Variants in CYP19A1 observed in about 807,000 individuals in gnomAD.
CYP19A1 encodes the protein cytochrome P450 family 19 subfamily A member 1.
A neutral mutation model predicts 44.4 loss-of-function variants in CYP19A1; 32 were observed. The ratio of observed to expected loss-of-function variants is 0.72; its 90% CI spans 0.54 to 0.97. CYP19A1 has a LOEUF of 0.97. CYP19A1 is among the 50% of genes least tolerant of loss of function. The probability of loss-of-function intolerance (pLI) is 0.00; values close to 1 mark genes in which losing one functional copy is unlikely to be tolerated. For missense variants in CYP19A1, 598 were observed against 637.8 expected (o/e 0.94, Z 0.67); for synonymous variants, 212 against 215.6 (o/e 0.98, Z 0.14).
intron 1 of CYP19A1, among the ~76,000 whole-genome samples, chr15:51,298,116 G>T (rs1282923755): frequency 1.3e-5 from 2 of 152,136 alleles, no homozygotes; most frequent in Non-Finnish European, 2.9e-5. Context: ...CAGCTGAAGG[G>T]GAGTACTGCA....
intron 1 of CYP19A1, among the ~76,000 whole-genome samples, chr15:51,247,686 G>A (rs759022248): frequency 1.4e-4 from 22 of 152,054 alleles, no homozygotes; most frequent in Non-Finnish European, 2.5e-4. Context: ...TGTTGGTCAG[G>A]CTAGTCTGGA....
intron 5 of CYP19A1, chr15:51,221,991 T>C (rs931592825): frequency 4.1e-5 from 17 of 419,452 alleles, no homozygotes; most frequent in East Asian, 4.2e-5. Context: ...GTATATATCA[T>C]GCCCAAAAGA....
rs2141061763 is a variant in CYP19A1 at position 51,222,365 on chromosome 15, C to T, written c.612G>A (p.Leu204=). ...TTTCAGTACCGTCCAAAGGGATCCT[C>T]AAGAAGAGCGTGTTAGAGGTGTCCA... ...VMLDTSNTLF[L]RIPLDESAIV... The change falls in exon 5 of 10, where the codon TTG becomes TTA. Residue 204 remains leucine (L), a synonymous_variant. Transcript: ENST00000396402. 1 of 1,614,074 alleles carries T rather than the reference C, an allele frequency of 6.2e-7. No individual in the cohort carries two copies. The highest frequency in any genetic ancestry group is 8.5e-7 in the Non-Finnish European group (1 of 1,180,016).
Position 51,304,506 on chromosome 15 carries a change from C to A in CYP19A1, c.-39+33989G>T, listed in dbSNP as rs80056906. 1.6e-3 allele frequency among the ~76,000 whole-genome samples: 245 copies of A among 152,288 alleles called. 10 individuals are homozygous for A. In the East Asian group the frequency reaches 0.037, roughly 23 times the overall value. ...ATTTTTTTCCAACCCAAGCCCACTC[C>A]CATGTCAAGTTAACCATGGTTTTCA... is the stretch of plus-strand genomic sequence containing the variant. On this transcript the variant is annotated intron_variant, in intron 1 of 9. Transcript: ENST00000396402.
intron 5 of CYP19A1, among the ~76,000 whole-genome samples, chr15:51,220,352 T>C (rs184538010): frequency 5.3e-4 from 80 of 152,348 alleles, no homozygotes; most frequent in African/African-American, 1.6e-3. Flanking sequence ...TAGATATCTA[T>C]GTCTTTTCCT....
chr15:51,297,816 T>TCACACA (rs1566917194), intron 1 of CYP19A1, among the ~76,000 whole-genome samples: 19 of 51,624 alleles, frequency 3.7e-4, no homozygotes, highest in African/African-American at 1.9e-3. Context: ...ACTGTAGGCA[T>TCACACA]GACACACACA....
At chr15:51,333,900 T>C (rs1029063083) in intron 1 of CYP19A1, among the ~76,000 whole-genome samples, 3 of 152,232 alleles carry the variant, frequency 2.0e-5, no homozygotes, top group African/African-American at 4.8e-5. Context: ...GGTCTTAGGC[T>C]ATCAGGCCCC....
intron 1 of CYP19A1, among the ~76,000 whole-genome samples, chr15:51,294,422 A>T (rs1189804615): frequency 2.7e-5 from 4 of 146,570 alleles, no homozygotes; most frequent in African/African-American, 1.0e-4. Flanking sequence ...AGAAGTGAGG[A>T]GACCCTCCGC....
intron 1 of CYP19A1, among the ~76,000 whole-genome samples, chr15:51,255,158 G>A (rs1303308274): frequency 6.6e-6 from 1 of 152,156 alleles, no homozygotes; most frequent in African/African-American, 2.4e-5. Context: ...AGGCCCTGAT[G>A]GTGAGGGAGG....
chr15:51,262,745 GC>G (rs755015688), intron 1 of CYP19A1, among the ~76,000 whole-genome samples: 14 of 152,218 alleles, frequency 9.2e-5, no homozygotes, highest in Non-Finnish European at 1.8e-4. Context: ...AGAAAAGGCT[GC>G]AGTGACATGT....
chr15:51,226,357 T>C (rs554839597), intron 4 of CYP19A1, among the ~76,000 whole-genome samples: 5 of 152,330 alleles, frequency 3.3e-5, no homozygotes, highest in Admixed American at 1.3e-4. Context: ...TTTCAGCTCA[T>C]TGAGATCCAT....
At chr15:51,280,444 A>AG (rs1308206587) in intron 1 of CYP19A1, among the ~76,000 whole-genome samples, 1 of 152,006 alleles carries the variant, frequency 6.6e-6, no homozygotes, top group Admixed American at 6.5e-5. Context: ...TCCCCATTTT[A>AG]GGGGGGCTCT....
intron 1 of CYP19A1, among the ~76,000 whole-genome samples, chr15:51,267,340 C>A (rs1301997307): frequency 6.6e-6 from 1 of 152,052 alleles, no homozygotes; most frequent in African/African-American, 2.4e-5. Flanking sequence ...AACGCGGGGC[C>A]CCGCGTTCAA....
chr15:51,294,731 C>G (rs988929511), intron 1 of CYP19A1, among the ~76,000 whole-genome samples: 31 of 150,508 alleles, frequency 2.1e-4, no homozygotes, highest in South Asian at 4.2e-4. Flanking sequence ...AGCCGCCCCC[C>G]GGGAGGGAGG....
intron 3 of CYP19A1, among the ~76,000 whole-genome samples, chr15:51,228,346 C>T (rs1288144273): frequency 6.6e-6 from 1 of 152,226 alleles, no homozygotes; most frequent in African/African-American, 2.4e-5. Flanking sequence ...CAAAGTGCCA[C>T]CCACTACAAG....
intron 2 of CYP19A1, chr15:51,242,314 GA>G (rs759445674): frequency 4.3e-6 from 1 of 233,656 alleles, no homozygotes; most frequent in Non-Finnish European, 8.5e-6. Context: ...GTGGAATAAA[GA>G]GAAGGGATAA....
At chr15:51,325,254 A>G (rs2141025674) in intron 1 of CYP19A1, among the ~76,000 whole-genome samples, 1 of 152,116 alleles carries the variant, frequency 6.6e-6, no homozygotes. Flanking sequence ...CTTATAGTGG[A>G]TCTGAATGGC....
Position 51,227,846 on chromosome 15 carries a change from ATGCATACCGATGCACTGCAGCCCAAGTT to A in CYP19A1, c.356_383del (p.Lys119MetfsTer22). Reference sequence around the variant, plus strand: ...TGTTGTTAAATATGATGCCTTTCTCATGCATACCGATGCACTGCAGCCCAAGTTTGCTGCCGAATCGAGAGCTGTAATG... The same window carrying A: ...TGTTGTTAAATATGATGCCTTTCTCATGCTGCCGAATCGAGAGCTGTAATG... On this transcript the variant is annotated frameshift_variant, in exon 4 of 10. Transcript: ENST00000396402. LOFTEE classifies it high-confidence loss of function. The A allele has an allele frequency of 6.6e-7, 1 of 1,508,872 alleles. No homozygotes were observed. The highest frequency in any genetic ancestry group is 9.2e-7 in the Non-Finnish European group (1 of 1,084,254). The allele number at this position is 1,508,872 out of a possible 1,614,324, so 93.5% of individuals were successfully genotyped here. A position where few individuals can be genotyped will look rare whatever the true frequency, so the allele number is the denominator to read the frequency against.
chr15:51,221,140 C>T (rs2032041027), intron 5 of CYP19A1, among the ~76,000 whole-genome samples: 1 of 152,020 alleles, frequency 6.6e-6, no homozygotes, highest in Admixed American at 6.6e-5. Context: ...AAGGCCAATG[C>T]TTATGGATAA....
Sources: allele counts gnomAD v4.1 joint callset (sites outside exome capture counted in the v4.1 genomes callset), GRCh38; gene constraint gnomAD v4.1.1; transcripts MANE v1.5; gene names NCBI Gene and HGNC (gene_info 2026-07-23, HGNC 2026-07-21).